CNPY3: variants seen among roughly 807,000 people sequenced by gnomAD.
The protein encoded by CNPY3 is canopy FGF signaling regulator 3.
A neutral mutation model predicts 32.0 loss-of-function variants in CNPY3; 20 were observed. That is an observed-to-expected ratio of 0.63 (90% CI 0.44 to 0.91). CNPY3 has a LOEUF of 0.91. Ranked by LOEUF, CNPY3 falls within the 40% of genes least tolerant of loss-of-function variation. The pLI, the probability that CNPY3 is intolerant of heterozygous loss-of-function variation, is 0.00. For missense variants in CNPY3, 299 were observed against 340.8 expected, an observed-to-expected ratio of 0.88 and a Z score of 0.97; for synonymous variants, 138 against 142.9, an observed-to-expected ratio of 0.97 and a Z score of 0.24.
At chr6:42,933,278 C>G (rs1767962661) in intron 1 of CNPY3, among the ~76,000 whole-genome samples, 1 of 152,174 alleles carries the variant, frequency 6.6e-6, no homozygotes, top group Admixed American at 6.5e-5. Flanking sequence ...CTGTAGCACT[C>G]TATACAGTGG....
rs572963128 is a variant in CNPY3 at position 42,938,866 on chromosome 6, G to A, written c.*75G>A. On this transcript the variant is annotated 3_prime_UTR_variant, in exon 6 of 6. Transcript: ENST00000372836. Reference sequence around the variant, plus strand: ...GTCAGGGGCATGGCTCTGGCAGGCCGGGATGGCCCCGCAGCCTTCAGCCCC... The same window carrying A: ...GTCAGGGGCATGGCTCTGGCAGGCCAGGATGGCCCCGCAGCCTTCAGCCCC... 9.5e-6 allele frequency: 14 copies of A among 1,473,666 alleles called. No individual in the cohort carries two copies. The highest frequency in any genetic ancestry group is 7.3e-5 in the Admixed American group (3 of 41,346). 91.3% of individuals were successfully genotyped at this position (1,473,666 alleles called of 1,614,324 possible). A position where few individuals can be genotyped will look rare whatever the true frequency, so the allele number is the denominator to read the frequency against.
At chr6:42,930,346 T>A (rs1767702614) in intron 1 of CNPY3, among the ~76,000 whole-genome samples, 1 of 152,192 alleles carries the variant, frequency 6.6e-6, no homozygotes, top group South Asian at 2.1e-4. Flanking sequence ...ATTCACACAG[T>A]GTCTGGTAGG....
chr6:42,931,429 G>T (rs1157166343), intron 1 of CNPY3, among the ~76,000 whole-genome samples: 1 of 149,644 alleles, frequency 6.7e-6, no homozygotes, highest in African/African-American at 2.5e-5. Context: ...GGAGTGCAGT[G>T]GTGCGACCTT....
At chr6:42,936,532 TTGTG>T (rs1045093521) in intron 3 of CNPY3, among the ~76,000 whole-genome samples, 14 of 152,102 alleles carry the variant, frequency 9.2e-5, no homozygotes, top group African/African-American at 1.4e-4. Context: ...TTCAAGGTTT[TTGTG>T]TGTTTGTTTG....
At chr6:42,938,067 A>T (rs370564187) in intron 4 of CNPY3, 23 bp from the exon 5 acceptor site, 3 of 1,597,386 alleles carry the variant, frequency 1.9e-6, no homozygotes, top group African/African-American at 2.7e-5. Flanking sequence ...GGCTTTGCCA[A>T]TATGAGGTAT....
chr6:42,937,664 G>A, intron 3 of CNPY3, 53 bp from the exon 4 acceptor site: 1 of 1,606,680 alleles, frequency 6.2e-7, no homozygotes, highest in South Asian at 1.1e-5. Flanking sequence ...GGGAGACGAG[G>A]GTGGGAGGGA....
chr6:42,937,666 T>C, intron 3 of CNPY3, 51 bp from the exon 4 acceptor site: 2 of 1,600,688 alleles, frequency 1.2e-6, no homozygotes, highest in Non-Finnish European at 1.7e-6. Flanking sequence ...GAGACGAGGG[T>C]GGGAGGGAGA....
At chr6:42,934,148 A>G (rs1158460440) in intron 1 of CNPY3, among the ~76,000 whole-genome samples, 1 of 151,970 alleles carries the variant, frequency 6.6e-6, no homozygotes, top group Non-Finnish European at 1.5e-5. Flanking sequence ...GCGAAACTCC[A>G]TCTCAAAAAA....
chr6:42,934,464 CCCT>C lies in CNPY3; in HGVS notation c.152-8_152-6del. On this transcript the variant is annotated splice_region_variant and splice_polypyrimidine_tract_variant and intron_variant, in intron 1 of 5. Transcript: ENST00000372836. Reference sequence around the variant, plus strand: ...GTGCACTCAGTGGGCTGTGCTACCTCCCTCCCCCAGTGTGTAAATATGTTGCTG... The same window carrying C: ...GTGCACTCAGTGGGCTGTGCTACCTCCCCCCAGTGTGTAAATATGTTGCTG... 6.2e-7 allele frequency: 1 copy of C among 1,613,882 alleles called. No individual in the cohort carries two copies. Among genetic ancestry groups the C allele is most frequent in the Non-Finnish European group, 8.5e-7 (1 of 1,179,866 alleles).
intron 3 of CNPY3, among the ~76,000 whole-genome samples, 154 bp downstream of exon 3, chr6:42,935,824 C>CT (rs1417378822): frequency 6.6e-6 from 1 of 152,162 alleles, no homozygotes; most frequent in African/African-American, 2.4e-5. Context: ...CTCCTCCCCT[C>CT]TTGAGTGGCC....
intron 3 of CNPY3, among the ~76,000 whole-genome samples, chr6:42,937,080 A>G (rs1404447264): frequency 1.3e-5 from 2 of 152,188 alleles, no homozygotes; most frequent in African/African-American, 4.8e-5. Context: ...GAGGAAAGAC[A>G]CAACCCAGGA....
chr6:42,931,023 G>A (rs1157613413), intron 1 of CNPY3, among the ~76,000 whole-genome samples: 1 of 151,870 alleles, frequency 6.6e-6, no homozygotes, highest in African/African-American at 2.4e-5. Flanking sequence ...CTGAGTAGCT[G>A]GGATTACAGG....
At position 42,934,405 on chromosome 6, in the gene CNPY3, G is replaced by A. The variant is rs1044518904; in HGVS notation, c.152-70G>A. 30 of 1,596,900 alleles carry A rather than the reference G, an allele frequency of 1.9e-5. No homozygotes were observed. The East Asian group carries it at 2.2e-4, about 12-fold the overall frequency. On this transcript the variant is annotated intron_variant, in intron 1 of 5. Coordinates refer to ENST00000372836, the MANE Select transcript of CNPY3 (RefSeq NM_006586.5). ...TAGGAAAGGATGCCCACCTGGATCT[G>A]TTTTGCTGGGAGCTGGCCTCCCATT...
At chr6:42,934,623 C>T (rs368438715) in intron 2 of CNPY3, 25 bp downstream of exon 2, 3 of 1,612,856 alleles carry the variant, frequency 1.9e-6, no homozygotes, top group Admixed American at 1.7e-5. Flanking sequence ...ACTCACTGGC[C>T]TGGCCTGCGT....
upstream of CNPY3, among the ~76,000 whole-genome samples, chr6:42,928,979 T>C (rs758372725): frequency 1.3e-5 from 2 of 152,156 alleles, no homozygotes; most frequent in African/African-American, 2.4e-5. Flanking sequence ...TGGGGACAGT[T>C]TGAGTCGTCC....
At chr6:42,929,400 C>T, upstream of CNPY3, 2 of 715,508 alleles carry the variant, frequency 2.8e-6, no homozygotes, top group Non-Finnish European at 4.5e-6. Flanking sequence ...GGCCTTGGTC[C>T]GCTTTGAAGG....
chr6:42,937,890 G>A (rs1768345347), intron 4 of CNPY3, 51 bp downstream of exon 4: 1 of 1,610,538 alleles, frequency 6.2e-7, no homozygotes, highest in Non-Finnish European at 8.5e-7. Flanking sequence ...TGAGGGGCTG[G>A]TGGGGATTGG....
chr6:42,935,687 T>A lies in CNPY3; in HGVS notation c.372+17T>A. 1 of 1,603,558 alleles carries A rather than the reference T, an allele frequency of 6.2e-7. No individual in the cohort carries two copies. Among genetic ancestry groups the A allele is most frequent in the Non-Finnish European group, 8.5e-7 (1 of 1,171,526 alleles). Reference sequence around the variant, plus strand: ...TTTGCCAAGGTTGGATTCGGGATTGTCCTTCATCCGCTCTGGGGTCAGGCC... The same window carrying A: ...TTTGCCAAGGTTGGATTCGGGATTGACCTTCATCCGCTCTGGGGTCAGGCC... On this transcript the variant is annotated intron_variant, in intron 3 of 5. Transcript: ENST00000372836.
At chr6:42,933,911 C>T (rs1256034896) in intron 1 of CNPY3, among the ~76,000 whole-genome samples, 1 of 152,190 alleles carries the variant, frequency 6.6e-6, no homozygotes, top group African/African-American at 2.4e-5. Flanking sequence ...TGGCTCACGC[C>T]TGTAATCCCA....
Sources: allele counts gnomAD v4.1 joint callset (sites outside exome capture counted in the v4.1 genomes callset), GRCh38; gene constraint gnomAD v4.1.1; transcripts MANE v1.5; gene names NCBI Gene and HGNC (gene_info 2026-07-23, HGNC 2026-07-21).